The following DGAT2L6 variants were observed in gnomAD, a reference collection of about 807,000 sequenced individuals.
DGAT2L6 encodes the protein diacylglycerol O-acyltransferase 2-like protein 6.
Under a neutral mutation model 25.5 loss-of-function variants are expected in DGAT2L6, and 22 were observed. That is an observed-to-expected ratio of 0.86 (90% confidence interval 0.62 to 1.23). The LOEUF (loss-of-function observed/expected upper bound fraction) is 1.23, where lower values mean the gene tolerates loss of function less well. DGAT2L6 is among the 50% of genes most tolerant of loss of function. The pLI is 0.00. For missense variants in DGAT2L6, 287 were observed against 253.2 expected (o/e 1.13, Z -0.91); for synonymous variants, 100 against 94.7 (o/e 1.06, Z -0.32).
chrX:70,196,617 G>A (rs1173687969), intron 1 of DGAT2L6, among the ~76,000 whole-genome samples: 1 of 95,846 alleles, frequency 1.0e-5, no homozygotes, highest in African/African-American at 4.4e-5. Flanking sequence ...GACACCAAAA[G>A]CACAATCTAT....
intron 3 of DGAT2L6, 86 bp downstream of exon 3, chrX:70,199,968 TG>T (rs1161226964): frequency 5.2e-5 from 51 of 974,226 alleles, no homozygotes; most frequent in Non-Finnish European, 6.8e-5. Context: ...GAGGCTTTGG[TG>T]GTCAGCAGCG....
At chrX:70,180,730 C>T (rs1353885268) in intron 1 of DGAT2L6, among the ~76,000 whole-genome samples, 1 of 111,661 alleles carries the variant, frequency 9.0e-6, no homozygotes, top group Non-Finnish European at 1.9e-5. Flanking sequence ...CTGGCAACCA[C>T]CATTCTGCTT....
intron 1 of DGAT2L6, among the ~76,000 whole-genome samples, chrX:70,180,133 T>C (rs1043572609): frequency 9.0e-6 from 1 of 110,658 alleles, no homozygotes; most frequent in Non-Finnish European, 1.9e-5. Context: ...GGATGATACC[T>C]ATGGGTCTTC....
intron 1 of DGAT2L6, among the ~76,000 whole-genome samples, chrX:70,197,726 T>C (rs1602693004): frequency 8.9e-6 from 1 of 112,541 alleles, no homozygotes; most frequent in Non-Finnish European, 1.9e-5. Context: ...AAAGAAATGA[T>C]ACACTTAGGC....
intron 1 of DGAT2L6, among the ~76,000 whole-genome samples, chrX:70,181,486 A>G (rs988382854): frequency 5.3e-5 from 6 of 112,602 alleles, no homozygotes; most frequent in African/African-American, 1.9e-4. Flanking sequence ...TTACCAAGGT[A>G]GCTTCAGTGT....
intron 1 of DGAT2L6, among the ~76,000 whole-genome samples, chrX:70,196,505 AAG>A (rs1270033998): frequency 4.8e-5 from 5 of 104,965 alleles, no homozygotes; most frequent in Non-Finnish European, 7.9e-5. Flanking sequence ...AAAAAAAAGA[AAG>A]AAAAAAGAAA....
intron 1 of DGAT2L6, among the ~76,000 whole-genome samples, chrX:70,185,890 T>A (rs898218289): frequency 2.8e-4 from 29 of 102,890 alleles, no homozygotes; most frequent in South Asian, 1.2e-3. Context: ...TTTTTTTTTT[T>A]AAATTTCTGA....
In DGAT2L6 at chrX:70,201,950, A is replaced by G. The variant is rs368517131; in HGVS notation, c.533A>G (p.Asn178Ser). 59 of 1,207,542 alleles carry G rather than the reference A, an allele frequency of 4.9e-5. No homozygotes were observed. Among genetic ancestry groups the G allele is most frequent in the Non-Finnish European group, 6.0e-5 (54 of 894,181 alleles). Reference protein sequence around the residue: ...KYLLTQKGSGNAVVIVVGGAA... With the variant: ...KYLLTQKGSGSAVVIVVGGAA... ...TTGCTGACCCAGAAAGGCTCAGGCA[A>G]TGCCGTGGTTATTGTGGTGGGTGGA... is the stretch of plus-strand genomic sequence containing the variant. Residue 178 changes from asparagine (N) to serine (S), a missense_variant, in exon 5 of 7, where the codon AAT becomes AGT. By Grantham distance (46) the Asn-to-Ser change is conservative. Coordinates refer to ENST00000333026, the MANE Select transcript of DGAT2L6 (RefSeq NM_198512.3).
chrX:70,200,332 T>G lies in DGAT2L6; in HGVS notation c.345T>G (p.Gly115=). The change falls in exon 4 of 7, where the codon GGT becomes GGG. Residue 115 remains glycine (G), a synonymous_variant. Transcript: ENST00000333026. ...ANHPHGILSF[G]VFINFATEAT... is the part of the protein sequence containing the mutation. ...ACCCCCATGGCATTCTCTCTTTTGG[T>G]GTCTTCATCAACTTTGCCACTGAGG... The G allele has an allele frequency of 8.3e-7, 1 of 1,211,633 alleles. No individual in the cohort carries two copies. The highest frequency in any genetic ancestry group is 1.8e-5 in the South Asian group (1 of 57,004).
chrX:70,196,034 T>G (rs2085389906), intron 1 of DGAT2L6, among the ~76,000 whole-genome samples: 1 of 111,833 alleles, frequency 8.9e-6, no homozygotes, highest in Admixed American at 9.5e-5. Context: ...CATCACACAA[T>G]GTATACCTGT....
intron 1 of DGAT2L6, among the ~76,000 whole-genome samples, chrX:70,183,531 AC>A (rs2085350291): frequency 8.9e-6 from 1 of 112,268 alleles, no homozygotes; most frequent in South Asian, 3.7e-4. Flanking sequence ...GGTGCCCTCT[AC>A]CCAATAAGCT....
chrX:70,199,377 T>C lies in DGAT2L6; in HGVS notation c.192T>C (p.Ser64=), dbSNP rs754629085. The change falls in exon 2 of 7, where the codon AGT becomes AGC. Residue 64 remains serine, a synonymous_variant. Transcript: ENST00000333026. ...AWLTYDWNTH[S]QGGRRSAWVR... ...TCACCTATGATTGGAACACCCACAG[T>C]CAAGGTAAGAGACAGGGGCACAATG... 3 of 1,169,841 alleles carry C rather than the reference T, an allele frequency of 2.6e-6. No individual in the cohort carries two copies. Among genetic ancestry groups the C allele is most frequent in the Non-Finnish European group, 3.4e-6 (3 of 870,351 alleles).
chrX:70,188,976 C>CAAAAAAAAAAAAAAAAAAA (rs200306182), intron 1 of DGAT2L6, among the ~76,000 whole-genome samples: 1 of 42,319 alleles, frequency 2.4e-5, no homozygotes. Flanking sequence ...AGGGCATCTA[C>CAAAAAAAAAAAAAAAAAAA]AAAAAAAAAA....
chrX:70,178,271 G>A (rs1174689318), intron 1 of DGAT2L6, among the ~76,000 whole-genome samples: 1 of 111,026 alleles, frequency 9.0e-6, no homozygotes, highest in Non-Finnish European at 1.9e-5. Context: ...GTAGGTGTAG[G>A]GTGATTTTCT....
intron 1 of DGAT2L6, among the ~76,000 whole-genome samples, chrX:70,197,459 G>A (rs1357115983): frequency 8.9e-6 from 1 of 111,744 alleles, no homozygotes; most frequent in Non-Finnish European, 1.9e-5. Flanking sequence ...CTCTTAGACC[G>A]CCTTTAGGAC....
At chrX:70,200,202 G>C in intron 3 of DGAT2L6, 53 bp from the exon 4 acceptor site, 1 of 1,138,320 alleles carries the variant, frequency 8.8e-7, no homozygotes. Context: ...TAGTCCACAC[G>C]TGGTTTCTTC....
At chrX:70,199,487 A>C in intron 2 of DGAT2L6, 106 bp downstream of exon 2, 1 of 460,062 alleles carries the variant, frequency 2.2e-6, no homozygotes, top group Non-Finnish European at 3.7e-6. Flanking sequence ...GGAGAGGGGA[A>C]GGAAGGGGAG....
At chrX:70,185,540 A>T (rs2085356813) in intron 1 of DGAT2L6, among the ~76,000 whole-genome samples, 2 of 112,378 alleles carry the variant, frequency 1.8e-5, no homozygotes, top group African/African-American at 3.2e-5. Flanking sequence ...GACTGCAAGA[A>T]CATTAAATGA....
At chrX:70,185,563 T>G (rs1194448361) in intron 1 of DGAT2L6, among the ~76,000 whole-genome samples, 1 of 112,159 alleles carries the variant, frequency 8.9e-6, no homozygotes, top group Admixed American at 9.5e-5. Context: ...TAATATACAT[T>G]AAGTGCTGAA....
Sources: allele counts gnomAD v4.1 joint callset (sites outside exome capture counted in the v4.1 genomes callset), GRCh38; gene constraint gnomAD v4.1.1; transcripts MANE v1.5; gene names NCBI Gene and HGNC (gene_info 2026-07-23, HGNC 2026-07-21).